Variants in METTL16 observed in about 807,000 individuals in gnomAD.
METTL16 encodes RNA N(6)-adenosine-methyltransferase METTL16.
Under a neutral mutation model 57.9 loss-of-function variants are expected in METTL16, and 19 were observed. The ratio of observed to expected loss-of-function variants is 0.33; its 90% CI spans 0.23 to 0.48. The LOEUF is 0.48. Ranked by LOEUF, METTL16 falls within the 20% of genes least tolerant of loss-of-function variation. The pLI, the probability that METTL16 is intolerant of heterozygous loss-of-function variation, is 0.99. For synonymous variants in METTL16, 246 were observed against 255.6 expected (o/e 0.96, Z 0.36); for missense variants, 434 against 691.5 (o/e 0.63, Z 4.18).
chr17:2,431,310 G>T (rs1444433628), intron 8 of METTL16, among the ~76,000 whole-genome samples: 1 of 152,128 alleles, frequency 6.6e-6, no homozygotes, highest in Non-Finnish European at 1.5e-5. Flanking sequence ...TCATTCACTG[G>T]AACAGAATTA....
At chr17:2,437,026 C>A (rs1034428413) in intron 8 of METTL16, among the ~76,000 whole-genome samples, 2 of 151,996 alleles carry the variant, frequency 1.3e-5, no homozygotes, top group African/African-American at 4.8e-5. Flanking sequence ...GGACTACAGG[C>A]ATGCGCCATC....
chr17:2,490,431 T>C (rs2067379144), intron 2 of METTL16, among the ~76,000 whole-genome samples: 1 of 152,160 alleles, frequency 6.6e-6, no homozygotes, highest in African/African-American at 2.4e-5. Flanking sequence ...TAACTACAAC[T>C]ACAACCACAA....
chr17:2,449,593 TATG>T, intron 6 of METTL16, among the ~76,000 whole-genome samples: 1 of 152,252 alleles, frequency 6.6e-6, no homozygotes. Flanking sequence ...TCTACAAAGC[TATG>T]ATAATTCAGA....
intron 1 of METTL16, among the ~76,000 whole-genome samples, chr17:2,508,195 T>G (rs2067562145): frequency 6.6e-6 from 1 of 152,236 alleles, no homozygotes; most frequent in African/African-American, 2.4e-5. Flanking sequence ...TTGCAATCTT[T>G]GTTAGAGACA....
intron 8 of METTL16, among the ~76,000 whole-genome samples, chr17:2,429,282 G>A (rs1019126703): frequency 7.0e-6 from 1 of 143,496 alleles, no homozygotes; most frequent in Admixed American, 7.4e-5. Context: ...TCCACCTCCC[G>A]GGTTCAAGCG....
intron 2 of METTL16, among the ~76,000 whole-genome samples, chr17:2,491,322 A>T (rs971042065): frequency 2.6e-5 from 4 of 152,052 alleles, no homozygotes; most frequent in African/African-American, 9.7e-5. Context: ...CCCCAGAATG[A>T]CTCCTGCTCT....
intron 2 of METTL16, among the ~76,000 whole-genome samples, chr17:2,484,972 C>T (rs781171308): frequency 9.2e-5 from 14 of 152,120 alleles, no homozygotes; most frequent in Non-Finnish European, 1.8e-4. Flanking sequence ...GCTAATGGGC[C>T]GCACCCTCTA....
chr17:2,448,802 T>TAAAAAAAAAAAAAAA (rs71150866), intron 6 of METTL16, among the ~76,000 whole-genome samples: 5 of 43,640 alleles, frequency 1.1e-4, no homozygotes, highest in Non-Finnish European at 1.2e-4. Flanking sequence ...AAATAAAATT[T>TAAAAAAAAAAAAAAA]AAAAAAAAAA....
intron 6 of METTL16, among the ~76,000 whole-genome samples, chr17:2,448,800 TTTAAAAAAAAA>T (rs2067043037): frequency 7.8e-5 from 5 of 64,310 alleles, no homozygotes; most frequent in Admixed American, 1.5e-4. Flanking sequence ...AAAAATAAAA[TTTAAAAAAAAA>T]AAAAAAAAAA....
chr17:2,458,117 T>A (rs537198132), intron 6 of METTL16, among the ~76,000 whole-genome samples: 2 of 152,286 alleles, frequency 1.3e-5, no homozygotes, highest in South Asian at 4.1e-4. Context: ...TGAGCTCAAC[T>A]GATCGTCCTA....
chr17:2,439,538 C>T (rs569949395), intron 7 of METTL16, among the ~76,000 whole-genome samples: 1 of 152,222 alleles, frequency 6.6e-6, no homozygotes, highest in South Asian at 2.1e-4. Context: ...CCAGAGCTAA[C>T]TGCATGGCCC....
chr17:2,491,666 G>A (rs1475755752), intron 2 of METTL16, among the ~76,000 whole-genome samples: 4 of 151,904 alleles, frequency 2.6e-5, no homozygotes, highest in East Asian at 1.9e-4. Context: ...ACGAGGTCAG[G>A]AGATGGAGAC....
intron 8 of METTL16, chr17:2,424,279 A>G (rs1436342525): frequency 3.3e-5 from 5 of 149,398 alleles, no homozygotes; most frequent in East Asian, 2.0e-4. Flanking sequence ...ACGCCCGGCT[A>G]ATTTTTTGTA....
chr17:2,491,306 C>T (rs1312554836), intron 2 of METTL16, among the ~76,000 whole-genome samples: 2 of 152,186 alleles, frequency 1.3e-5, no homozygotes, highest in African/African-American at 4.8e-5. Flanking sequence ...GGCTCATGGC[C>T]GATTTCCCCA....
chr17:2,431,880 A>G (rs975597119), intron 8 of METTL16, among the ~76,000 whole-genome samples: 7 of 152,196 alleles, frequency 4.6e-5, no homozygotes, highest in Admixed American at 4.6e-4. Flanking sequence ...ACAAGGATAT[A>G]ATAACAATAA....
chr17:2,463,711 C>G (rs942210913), intron 6 of METTL16, among the ~76,000 whole-genome samples: 2 of 151,924 alleles, frequency 1.3e-5, no homozygotes, highest in Non-Finnish European at 2.9e-5. Context: ...CTGCCCACCT[C>G]GGCCTCCCAA....
At chr17:2,468,928 T>TG (rs200150305) in intron 4 of METTL16, among the ~76,000 whole-genome samples, 3,999 of 143,030 alleles carry the variant, frequency 0.028, 168 homozygotes, top group African/African-American at 0.096. Flanking sequence ...TGTGTGTGTG[T>TG]TTTTTTTTTC....
At chr17:2,447,615 C>G (rs1341547329) in intron 6 of METTL16, among the ~76,000 whole-genome samples, 8 of 106,198 alleles carry the variant, frequency 7.5e-5, no homozygotes, top group Non-Finnish European at 1.5e-4. Context: ...CCGCCCAGTC[C>G]GGGAGGTGAG....
At chr17:2,446,752 GTTTT>G (rs541985432) in intron 6 of METTL16, among the ~76,000 whole-genome samples, 2 of 149,230 alleles carry the variant, frequency 1.3e-5, no homozygotes, top group African/African-American at 4.9e-5. Flanking sequence ...ACTGGTTCTC[GTTTT>G]TTTTTTGGTG....
Sources: allele counts gnomAD v4.1 joint callset (sites outside exome capture counted in the v4.1 genomes callset), GRCh38; gene constraint gnomAD v4.1.1; transcripts MANE v1.5; gene names NCBI Gene and HGNC (gene_info 2026-07-23, HGNC 2026-07-21).